LETM1: variants seen among roughly 807,000 people sequenced by gnomAD.
LETM1 encodes the protein leucine zipper and EF-hand containing transmembrane protein 1, also known as mitochondrial proton/calcium exchanger protein.
A neutral mutation model predicts 74.5 loss-of-function variants in LETM1; 50 were observed. That is an observed-to-expected ratio of 0.67 (90% CI 0.53 to 0.85). The LOEUF (loss-of-function observed/expected upper bound fraction) is 0.85, where lower values mean the gene tolerates loss of function less well. LETM1 is among the 40% of genes least tolerant of loss of function. The probability of loss-of-function intolerance (pLI) is 0.00; values close to 1 mark genes in which losing one functional copy is unlikely to be tolerated. For synonymous variants in LETM1, 446 were observed against 407.1 expected (o/e 1.10, Z -1.15); for missense variants, 824 against 967.8 (o/e 0.85, Z 1.97).
chr4:1,837,410 T>C (rs1469544206), intron 3 of LETM1, among the ~76,000 whole-genome samples: 1 of 152,180 alleles, frequency 6.6e-6, no homozygotes, highest in Non-Finnish European at 1.5e-5. Context: ...GAACCCTGCC[T>C]TCCTATACAT....
chr4:1,834,511 A>G lies in LETM1; in HGVS notation c.876+334T>C. ...GCCAGAGGGCAATGCCCAGCAGAGGAGCCCGGCCAAGCCACCCACACCTCA... is the reference window on the plus strand; with the variant it reads ...GCCAGAGGGCAATGCCCAGCAGAGGGGCCCGGCCAAGCCACCCACACCTCA... On this transcript the variant is annotated intron_variant, in intron 5 of 13. Coordinates refer to ENST00000302787, the MANE Select transcript of LETM1 (RefSeq NM_012318.3). The surrounding 1 kb of genome is among the most constrained non-coding windows in gnomAD (Gnocchi z 5.0). 9.2e-7 allele frequency: 1 copy of G among 1,090,344 alleles called. No homozygotes were observed. The highest frequency in any genetic ancestry group is 1.1e-6 in the Non-Finnish European group (1 of 895,042). 67.5% of individuals were successfully genotyped at this position (1,090,344 alleles called of 1,614,324 possible).
rs773634329 is a variant in LETM1 at position 1,823,720 on chromosome 4, C to T, written c.1256G>A (p.Arg419Gln). 12 of 1,613,740 alleles carry T rather than the reference C, an allele frequency of 7.4e-6. No individual in the cohort carries two copies. The highest frequency in any genetic ancestry group is 5.3e-5 in the African/African-American group (4 of 74,984). The change falls in exon 8 of 14, where the codon CGG becomes CAG. Residue 419 changes from arginine to glutamine, a missense_variant. Arg to Gln is a conservative substitution (Grantham distance 43, BLOSUM62 1). Transcript: ENST00000302787. ...GAGGGTGTCCGGGAGGTACATGGCCCGGGACAGGATGAGCAGCGATGTGGG... is the reference window on the plus strand; with the variant it reads ...GAGGGTGTCCGGGAGGTACATGGCCTGGGACAGGATGAGCAGCGATGTGGG... ...EIPTSLLILS[R>Q]AMYLPDTLSP...
chr4:1,836,281 C>T lies in LETM1; in HGVS notation c.738+148G>A. ...AGAAACAAATCCAAAACCCAGCATC[C>T]ACTAAATAATTATTGCACAGCACAA... On this transcript the variant is annotated intron_variant, in intron 4 of 13. Coordinates refer to ENST00000302787, the MANE Select transcript of LETM1 (RefSeq NM_012318.3). The surrounding 1 kb of genome is among the most constrained non-coding windows in gnomAD (Gnocchi z 5.8). 4.6e-6 allele frequency: 3 copies of T among 654,716 alleles called. No homozygotes were observed. The highest frequency in any genetic ancestry group is 7.8e-6 in the Non-Finnish European group (3 of 382,946). The allele number at this position is 654,716 out of a possible 1,614,324, so 40.6% of individuals were successfully genotyped here.
At chr4:1,853,242 G>T (rs1035523673) in intron 1 of LETM1, among the ~76,000 whole-genome samples, 5 of 152,076 alleles carry the variant, frequency 3.3e-5, no homozygotes, top group African/African-American at 7.2e-5. Flanking sequence ...CAGGCCAGAG[G>T]CCCCCTCTCC....
chr4:1,814,624 G>T, intron 13 of LETM1, 51 bp from the exon 14 acceptor site: 1 of 1,546,112 alleles, frequency 6.5e-7, no homozygotes, highest in Non-Finnish European at 8.9e-7. Flanking sequence ...CTACAGCACA[G>T]TGAGGCAGAG....
intron 6 of LETM1, among the ~76,000 whole-genome samples, chr4:1,832,259 G>A (rs577033857): frequency 1.3e-5 from 2 of 151,910 alleles, no homozygotes; most frequent in South Asian, 2.1e-4. Flanking sequence ...TCGAGATCTC[G>A]CCACTGCACT....
At chr4:1,840,540 G>A (rs1483812542) in intron 3 of LETM1, among the ~76,000 whole-genome samples, 3 of 151,816 alleles carry the variant, frequency 2.0e-5, no homozygotes, top group African/African-American at 4.8e-5. Context: ...GGTGGCGGGT[G>A]CCTGTAGTGC....
chr4:1,833,355 G>A (rs1412278489), intron 5 of LETM1: 3 of 246,580 alleles, frequency 1.2e-5, no homozygotes, highest in Admixed American at 1.0e-4. Flanking sequence ...CTCCGGTGCT[G>A]GGCTAGCCTG....
chr4:1,821,332 T>G (rs930153857), intron 10 of LETM1, among the ~76,000 whole-genome samples: 3 of 151,466 alleles, frequency 2.0e-5, no homozygotes, highest in Non-Finnish European at 2.9e-5. Context: ...GACCCCGTGA[T>G]CCGCCCACCT....
At chr4:1,829,169 T>A (rs1363645661) in intron 6 of LETM1, among the ~76,000 whole-genome samples, 65 of 73,090 alleles carry the variant, frequency 8.9e-4, no homozygotes, top group Non-Finnish European at 9.5e-4. Context: ...GCAGGGGGGC[T>A]GACCCCCCCC....
rs1483010097 is a variant in LETM1, at chr4:1,834,356, C to T, written c.876+489G>A. On this transcript the variant is annotated intron_variant, in intron 5 of 13. Transcript: ENST00000302787. This position sits in a 1 kb window ranked among gnomAD's most constrained non-coding sequence, Gnocchi z 5.0. ...CGGTCCGTGGCAGCTGCCGTCTCCC[C>T]ATCCTCACCTCACTCACCACATGAC... 1.0e-6 allele frequency: 1 copy of T among 985,436 alleles called. No homozygotes were observed. Among genetic ancestry groups the T allele is most frequent in the Non-Finnish European group, 1.2e-6 (1 of 829,366 alleles). 61.0% of individuals were successfully genotyped at this position (985,436 alleles called of 1,614,324 possible). A position where few individuals can be genotyped will look rare whatever the true frequency, so the allele number is the denominator to read the frequency against.
intron 2 of LETM1, among the ~76,000 whole-genome samples, chr4:1,846,179 A>G (rs1712877757): frequency 6.6e-6 from 1 of 152,180 alleles, no homozygotes; most frequent in Non-Finnish European, 1.5e-5. Context: ...CTTGATAAGT[A>G]GACAAGTCCA....
chr4:1,854,607 A>G (rs1273831569), intron 1 of LETM1, among the ~76,000 whole-genome samples: 1 of 152,132 alleles, frequency 6.6e-6, no homozygotes, highest in African/African-American at 2.4e-5. Flanking sequence ...CCGCCTGGCC[A>G]AGACGGAGAA....
At chr4:1,822,753 C>T (rs565168884) in intron 9 of LETM1, 6 of 399,860 alleles carry the variant, frequency 1.5e-5, no homozygotes, top group East Asian at 7.4e-5. Context: ...CCCTCTGAGA[C>T]GGCTAAGGTA....
At chr4:1,844,917 C>T (rs936541721) in intron 2 of LETM1, among the ~76,000 whole-genome samples, 1 of 148,490 alleles carries the variant, frequency 6.7e-6, no homozygotes, top group Non-Finnish European at 1.5e-5. Context: ...AAAGGCCAGG[C>T]ACAGTGGCTC....
chr4:1,835,770 C>T (rs1577320793), intron 4 of LETM1, among the ~76,000 whole-genome samples: 1 of 152,118 alleles, frequency 6.6e-6, no homozygotes, highest in African/African-American at 2.4e-5. Flanking sequence ...TGTTCCTGGT[C>T]TAGAAAACCT....
In LETM1 at chr4:1,843,526, C is replaced by T. The variant is rs184343862; in HGVS notation, c.144-1729G>A. Among the ~76,000 whole-genome samples, 3 of 152,342 alleles carry T rather than the reference C, an allele frequency of 2.0e-5. No individual in the cohort carries two copies. In the East Asian group the frequency reaches 5.8e-4, roughly 29 times the overall value. ...CCAGTAATGGTCTGGGGACCTCCCC[C>T]AAAAACTCTCCCAGGCTCAAAATCT... On this transcript the variant is annotated intron_variant, in intron 2 of 13. Transcript: ENST00000302787.
chr4:1,834,855 AAC>A lies in LETM1; in HGVS notation c.864_865del (p.Phe290ProfsTer13), dbSNP rs756415846. The A allele has an allele frequency of 5.0e-6, 8 of 1,613,994 alleles. No homozygotes were observed. The highest frequency in any genetic ancestry group is 2.7e-5 in the African/African-American group (2 of 74,908). On this transcript the variant is annotated frameshift_variant, in exon 5 of 14. Coordinates refer to ENST00000302787, the MANE Select transcript of LETM1 (RefSeq NM_012318.3). LOFTEE classifies it high-confidence loss of function. This position sits in a 1 kb window ranked among gnomAD's most constrained non-coding sequence, Gnocchi z 5.0. ...GACGTATCACAGCACCTTCTGGAAA[AAC>A]ACAGAGAAGTCTTTGGTGGCGCTGC... is the stretch of plus-strand genomic sequence containing the variant.
At chr4:1,825,811 G>T in intron 6 of LETM1, 128 bp from the exon 7 acceptor site, 1 of 1,104,536 alleles carries the variant, frequency 9.1e-7, no homozygotes, top group South Asian at 1.5e-5. Context: ...GGCCACCAAA[G>T]CCCAGTTCTA....
Sources: gnomAD v4.1 joint callset for allele counts (sites outside exome capture counted in the v4.1 genomes callset) on GRCh38, gnomAD v4.1.1 for gene constraint, Gnocchi (gnomAD v3.1) non-coding constraint, MANE v1.5 for transcripts, NCBI Gene and HGNC (gene_info 2026-07-23, HGNC 2026-07-21) for gene names.